The following ULK4 variants were observed in gnomAD, a reference collection of about 807,000 sequenced individuals.
The protein encoded by ULK4 is inactive serine/threonine-protein kinase ULK4.
In ULK4, 133 loss-of-function variants were observed where a neutral mutation model predicts 160.6. The ratio of observed to expected loss-of-function variants is 0.83; its 90% confidence interval spans 0.72 to 0.96. The LOEUF is 0.96. ULK4 is among the 40% of genes least tolerant of loss of function. ULK4 has a pLI of 0.00. For missense variants in ULK4, 1,580 were observed against 1,499.5 expected (o/e 1.05, Z -0.89); for synonymous variants, 534 against 539.8 (o/e 0.99, Z 0.15).
intron 30 of ULK4, among the ~76,000 whole-genome samples, chr3:41,624,110 G>A (rs550695311): frequency 3.9e-5 from 6 of 152,300 alleles, no homozygotes; most frequent in African/African-American, 1.4e-4. Flanking sequence ...AGGCTCAGAC[G>A]TGAGGCTGAG....
chr3:41,833,927 A>G (rs2041677299), intron 18 of ULK4, among the ~76,000 whole-genome samples: 1 of 152,128 alleles, frequency 6.6e-6, no homozygotes, highest in Non-Finnish European at 1.5e-5. Flanking sequence ...ACAGTGTATA[A>G]CTATTGAGTG....
At chr3:41,722,936 C>T (rs969278385) in intron 22 of ULK4, among the ~76,000 whole-genome samples, 7 of 152,082 alleles carry the variant, frequency 4.6e-5, no homozygotes, top group Admixed American at 2.0e-4. Flanking sequence ...TGCTAGGGTA[C>T]ATGTATAGGA....
At chr3:41,835,335 A>G (rs1208971140) in intron 18 of ULK4, among the ~76,000 whole-genome samples, 2 of 152,206 alleles carry the variant, frequency 1.3e-5, no homozygotes, top group African/African-American at 4.8e-5. Flanking sequence ...CTATTCCATA[A>G]TATTCTTTTT....
intron 34 of ULK4, among the ~76,000 whole-genome samples, chr3:41,415,303 G>C (rs1194777785): frequency 6.6e-6 from 1 of 152,144 alleles, no homozygotes; most frequent in African/African-American, 2.4e-5. Flanking sequence ...CCCTACTTTA[G>C]ACATTCAGGT....
At chr3:41,945,083 A>G (rs959490182) in intron 2 of ULK4, among the ~76,000 whole-genome samples, 4 of 152,136 alleles carry the variant, frequency 2.6e-5, no homozygotes, top group African/African-American at 9.7e-5. Flanking sequence ...CCAAAACCAC[A>G]CCATAAAACT....
intron 35 of ULK4, among the ~76,000 whole-genome samples, chr3:41,274,162 T>G (rs913441534): frequency 2.0e-5 from 3 of 152,170 alleles, no homozygotes; most frequent in African/African-American, 7.2e-5. Flanking sequence ...GTCACTATCT[T>G]TCACTGCCTG....
At chr3:41,954,359 G>GAA (rs10645314) in intron 2 of ULK4, among the ~76,000 whole-genome samples, 102,922 of 148,020 alleles carry the variant, frequency 0.7, 38,505 homozygotes, top group East Asian at 0.83. Context: ...CTAAGGGAAA[G>GAA]AAAAAAAAAG....
chr3:41,462,219 G>A (rs1304353016), intron 33 of ULK4, among the ~76,000 whole-genome samples: 2 of 152,136 alleles, frequency 1.3e-5, no homozygotes, highest in Non-Finnish European at 2.9e-5. Context: ...GCTATCCTGG[G>A]GTCTAGGGAG....
chr3:41,553,769 C>T (rs2087173117), intron 32 of ULK4, among the ~76,000 whole-genome samples: 1 of 134,326 alleles, frequency 7.4e-6, no homozygotes, highest in South Asian at 2.5e-4. Context: ...TGCATAATAA[C>T]CACGTCAGAG....
chr3:41,837,580 T>C (rs75434167), intron 17 of ULK4, among the ~76,000 whole-genome samples: 3 of 147,166 alleles, frequency 2.0e-5, no homozygotes, highest in African/African-American at 5.2e-5. Flanking sequence ...TTTTTTTTTT[T>C]CCAGACAGAG....
At chr3:41,477,091 A>T (rs2084167325) in intron 32 of ULK4, among the ~76,000 whole-genome samples, 1 of 152,194 alleles carries the variant, frequency 6.6e-6, no homozygotes, top group South Asian at 2.1e-4. Context: ...TTCCATCCCA[A>T]CATCTCTAAA....
intron 20 of ULK4, among the ~76,000 whole-genome samples, chr3:41,793,499 C>T (rs184807079): frequency 8.7e-4 from 132 of 152,222 alleles, no homozygotes; most frequent in Non-Finnish European, 1.6e-3. Flanking sequence ...AAACTACACA[C>T]ACTCTTATCT....
In ULK4 at chr3:41,612,995, G is replaced by A. The variant is rs190236473; in HGVS notation, c.3120+2674C>T. ...ATCAGGAGGTCACAGTAGACTACCA[G>A]CTAAATGAATCAAATGATGTTTCGC... On this transcript the variant is annotated intron_variant, in intron 31 of 36. Transcript: ENST00000301831. 8.4e-4 allele frequency among the ~76,000 whole-genome samples: 128 copies of A among 152,318 alleles called. 1 individual carries two copies. The highest frequency in any genetic ancestry group is 3.0e-3 in the African/African-American group (123 of 41,578).
chr3:41,659,960 C>T (rs1388858618), intron 30 of ULK4, among the ~76,000 whole-genome samples: 1 of 151,816 alleles, frequency 6.6e-6, no homozygotes, highest in Non-Finnish European at 1.5e-5. Flanking sequence ...AATCAAAGGG[C>T]AGAAAAACAT....
chr3:41,645,831 C>T (rs2034463249), intron 30 of ULK4, among the ~76,000 whole-genome samples: 1 of 152,276 alleles, frequency 6.6e-6, no homozygotes, highest in Middle Eastern at 3.4e-3. Context: ...GAGTCTAAGT[C>T]TCTTTGTAGG....
chr3:41,521,148 A>C (rs1290906714), intron 32 of ULK4, among the ~76,000 whole-genome samples: 3 of 152,172 alleles, frequency 2.0e-5, no homozygotes, highest in African/African-American at 7.2e-5. Flanking sequence ...CAGGAGTGCC[A>C]CACATTCTAC....
intron 34 of ULK4, among the ~76,000 whole-genome samples, chr3:41,439,838 T>C (rs1002077825): frequency 6.6e-6 from 1 of 152,222 alleles, no homozygotes; most frequent in African/African-American, 2.4e-5. Context: ...TTAACAATAT[T>C]GAGCCTTCCC....
At chr3:41,874,585 T>C (rs1400493817) in intron 17 of ULK4, among the ~76,000 whole-genome samples, 1 of 152,238 alleles carries the variant, frequency 6.6e-6, no homozygotes. Context: ...GCCAGCATTA[T>C]TCTAAGTGAT....
intron 34 of ULK4, among the ~76,000 whole-genome samples, chr3:41,406,277 T>C (rs2082293053): frequency 6.6e-6 from 1 of 152,214 alleles, no homozygotes; most frequent in South Asian, 2.1e-4. Context: ...CAGGTGGCTG[T>C]AGGTGTGCAG....
Sources: gnomAD v4.1 joint callset for allele counts (sites outside exome capture counted in the v4.1 genomes callset) on GRCh38, gnomAD v4.1.1 for gene constraint, MANE v1.5 for transcripts, NCBI Gene and HGNC (gene_info 2026-07-23, HGNC 2026-07-21) for gene names.